Variants in ZMAT4 observed in about 807,000 individuals in gnomAD.
ZMAT4 encodes zinc finger matrin-type 4, also known as zinc finger matrin-type protein 4.
ZMAT4 carries 17 observed loss-of-function variants against 28.7 expected under a neutral mutation model. The ratio of observed to expected loss-of-function variants is 0.59; its 90% CI spans 0.41 to 0.89. The LOEUF is 0.89. Among genes scored for constraint, ZMAT4 ranks in the 40% least tolerant of loss-of-function variants. The probability of loss-of-function intolerance (pLI) is 0.00; values close to 1 mark genes in which losing one functional copy is unlikely to be tolerated. For missense variants in ZMAT4, 240 were observed against 283.8 expected (o/e 0.85, Z 1.11); for synonymous variants, 117 against 109.2 (o/e 1.07, Z -0.44).
intron 3 of ZMAT4, among the ~76,000 whole-genome samples, chr8:40,748,043 G>C (rs918831776): frequency 1.3e-5 from 2 of 152,040 alleles, no homozygotes; most frequent in Admixed American, 1.3e-4. Flanking sequence ...TTATATGGAG[G>C]ATAATATTTG....
intron 3 of ZMAT4, among the ~76,000 whole-genome samples, chr8:40,720,220 G>A (rs1349180015): frequency 6.6e-6 from 1 of 152,188 alleles, no homozygotes; most frequent in Admixed American, 6.5e-5. Flanking sequence ...CCATTCAGGT[G>A]ATTGTTGTCA....
intron 3 of ZMAT4, among the ~76,000 whole-genome samples, chr8:40,730,804 A>G (rs1276693272): frequency 1.3e-5 from 2 of 152,328 alleles, no homozygotes; most frequent in Middle Eastern, 3.4e-3. Flanking sequence ...TTCCCCATCA[A>G]GAAAGCAGTC....
intron 5 of ZMAT4, among the ~76,000 whole-genome samples, chr8:40,650,350 C>T (rs1210645778): frequency 6.8e-6 from 1 of 148,016 alleles, no homozygotes; most frequent in South Asian, 2.2e-4. Flanking sequence ...TTCCTCGACA[C>T]ATACACTCTC....
chr8:40,546,673 A>C (rs1293018742), intron 6 of ZMAT4, among the ~76,000 whole-genome samples: 1 of 152,210 alleles, frequency 6.6e-6, no homozygotes, highest in African/African-American at 2.4e-5. Flanking sequence ...CAGCATAATT[A>C]TCTGCTTCCA....
chr8:40,700,942 T>C (rs1004520330), intron 3 of ZMAT4, among the ~76,000 whole-genome samples: 67 of 152,252 alleles, frequency 4.4e-4, no homozygotes, highest in Non-Finnish European at 8.7e-4. Flanking sequence ...TTTACCACAC[T>C]GGAGGACCTT....
intron 6 of ZMAT4, among the ~76,000 whole-genome samples, chr8:40,549,078 G>A (rs1238704709): frequency 1.3e-5 from 2 of 152,040 alleles, no homozygotes; most frequent in African/African-American, 2.4e-5. Flanking sequence ...TGAATATGGA[G>A]GCCTTATAAA....
chr8:40,682,634 C>G (rs1401434393), intron 4 of ZMAT4, among the ~76,000 whole-genome samples: 2 of 152,192 alleles, frequency 1.3e-5, no homozygotes, highest in Non-Finnish European at 2.9e-5. Context: ...TGCCATTTCA[C>G]ATTTCCTGAG....
At chr8:40,848,542 C>T (rs1395387957) in intron 1 of ZMAT4, among the ~76,000 whole-genome samples, 3 of 152,216 alleles carry the variant, frequency 2.0e-5, no homozygotes, top group African/African-American at 7.2e-5. Context: ...TCTGGGGACA[C>T]AGGCAGCAAG....
chr8:40,880,647 G>A (rs1293290644), intron 1 of ZMAT4, among the ~76,000 whole-genome samples: 1 of 152,018 alleles, frequency 6.6e-6, no homozygotes, highest in East Asian at 1.9e-4. Context: ...ATTCTGAGAG[G>A]AAGAAACGAG....
chr8:40,557,507 T>C (rs575929357), intron 6 of ZMAT4, among the ~76,000 whole-genome samples: 3 of 152,308 alleles, frequency 2.0e-5, no homozygotes, highest in East Asian at 1.9e-4. Context: ...CCTTTACTTA[T>C]GGTCCTGAAC....
intron 2 of ZMAT4, among the ~76,000 whole-genome samples, chr8:40,801,793 C>A (rs753380526): frequency 6.6e-6 from 1 of 152,034 alleles, no homozygotes; most frequent in Non-Finnish European, 1.5e-5. Flanking sequence ...AAACTACAGA[C>A]CAATATCTCC....
intron 1 of ZMAT4, among the ~76,000 whole-genome samples, chr8:40,889,512 A>C (rs1006443597): frequency 1.3e-5 from 2 of 152,238 alleles, no homozygotes; most frequent in Non-Finnish European, 2.9e-5. Context: ...GTTTAAAGAA[A>C]TCAAAAGTCA....
intron 5 of ZMAT4, among the ~76,000 whole-genome samples, chr8:40,596,993 C>T (rs1051792884): frequency 9.2e-5 from 14 of 152,160 alleles, no homozygotes; most frequent in Admixed American, 2.6e-4. Flanking sequence ...GCTTCTGAGC[C>T]TCATTTTCTC....
intron 1 of ZMAT4, among the ~76,000 whole-genome samples, chr8:40,850,047 T>A (rs1188666451): frequency 1.3e-5 from 2 of 152,130 alleles, no homozygotes; most frequent in African/African-American, 4.8e-5. Flanking sequence ...CTGCAGTCCA[T>A]GCTGAATCTG....
intron 3 of ZMAT4, among the ~76,000 whole-genome samples, chr8:40,699,668 C>G (rs1353336224): frequency 6.6e-6 from 1 of 151,690 alleles, no homozygotes; most frequent in African/African-American, 2.4e-5. Flanking sequence ...CAAGTCTTAC[C>G]CTTTTTTAAA....
Position 40,865,600 on chromosome 8 carries a change from A to T in ZMAT4, c.-5+32083T>A, listed in dbSNP as rs185647995. ...CTGCACAGCCAGCTGGGGGATTGAA[A>T]TACACGGTCTGCTCTCCCCAGCAAC... is the stretch of plus-strand genomic sequence containing the variant. On this transcript the variant is annotated intron_variant, in intron 1 of 6. Coordinates refer to ENST00000297737, the MANE Select transcript of ZMAT4 (RefSeq NM_024645.3). Among the ~76,000 whole-genome samples, 64 of 152,326 alleles carry T rather than the reference A, an allele frequency of 4.2e-4. No homozygotes were observed. In the East Asian group the frequency reaches 0.012, roughly 28 times the overall value.
At chr8:40,589,910 T>C (rs1234664340) in intron 5 of ZMAT4, among the ~76,000 whole-genome samples, 4 of 133,210 alleles carry the variant, frequency 3.0e-5, no homozygotes, top group Non-Finnish European at 4.9e-5. Context: ...TCTTCCCTTC[T>C]TCCTCCCTCC....
intron 2 of ZMAT4, among the ~76,000 whole-genome samples, chr8:40,806,068 C>T (rs895441045): frequency 2.0e-5 from 3 of 152,080 alleles, no homozygotes; most frequent in East Asian, 1.9e-4. Flanking sequence ...AAAAGGGGAA[C>T]ATTTCATCTT....
intron 4 of ZMAT4, among the ~76,000 whole-genome samples, chr8:40,694,959 C>T (rs916504478): frequency 6.6e-6 from 1 of 152,162 alleles, no homozygotes; most frequent in Non-Finnish European, 1.5e-5. Context: ...GGTCCTGCCC[C>T]ACACCCAGAA....
Sources: gnomAD v4.1 joint callset for allele counts (sites outside exome capture counted in the v4.1 genomes callset) on GRCh38, gnomAD v4.1.1 for gene constraint, MANE v1.5 for transcripts, NCBI Gene and HGNC (gene_info 2026-07-23, HGNC 2026-07-21) for gene names.